The following TRIM41 variants were observed in gnomAD, a reference collection of about 807,000 sequenced individuals.
TRIM41 encodes the protein tripartite motif containing 41.
In TRIM41, 21 loss-of-function variants were observed where a neutral mutation model predicts 60.6. The observed-to-expected ratio is 0.35, with a 90% CI of 0.25 to 0.50. The LOEUF is 0.50. TRIM41 is among the 20% of genes least tolerant of loss of function. The pLI is 0.98. For synonymous variants in TRIM41, 407 were observed against 344.9 expected, an observed-to-expected ratio of 1.18 and a Z score of -2.00; for missense variants, 846 against 868.3, an observed-to-expected ratio of 0.97 and a Z score of 0.32.
rs1759018088 is a variant in TRIM41 at position 181,234,933 on chromosome 5, A to G, written c.*158A>G. On this transcript the variant is annotated 3_prime_UTR_variant, in exon 6 of 6. Transcript: ENST00000315073. This position sits in a 1 kb window ranked among gnomAD's most constrained non-coding sequence, Gnocchi z 5.6. The stretch of plus-strand genomic sequence containing the variant: ...CCAGGCCCCTGCTTCTCCCTCTAGG[A>G]GCCTAAAGAACCCTCCTGGCCTCCA... 2 of 1,613,670 alleles carry G rather than the reference A, an allele frequency of 1.2e-6. No individual in the cohort carries two copies. Among genetic ancestry groups the G allele is most frequent in the Non-Finnish European group, 1.7e-6 (2 of 1,179,936 alleles).
Position 181,234,689 on chromosome 5 carries a change from A to G in TRIM41, c.1807A>G (p.Thr603Ala), listed in dbSNP as rs1423250272. The G allele has an allele frequency of 6.2e-7, 1 of 1,614,054 alleles. No homozygotes were observed. The change falls in exon 6 of 6, where the codon ACC becomes GCC. Residue 603 changes from threonine (T) to alanine (A), a missense_variant. Thr to Ala is a moderately conservative substitution (Grantham distance 58). Transcript: ENST00000315073. The surrounding 1 kb of genome is among the most constrained non-coding windows in gnomAD (Gnocchi z 5.6). ...YNAETLAHVHTFSAAFLGERV... is the reference protein window; with the variant it reads ...YNAETLAHVHAFSAAFLGERV... ...CGCAGAGACTCTAGCCCACGTGCAC[A>G]CCTTCTCGGCTGCCTTCCTGGGCGA... is the stretch of plus-strand genomic sequence containing the variant.
chr5:181,223,299 G>A lies in TRIM41; in HGVS notation c.-701G>A, dbSNP rs1011533066. 7 of 399,028 alleles carry A rather than the reference G, an allele frequency of 1.8e-5. No individual in the cohort carries two copies. Among genetic ancestry groups the A allele is most frequent in the African/African-American group, 4.1e-5 (2 of 48,656 alleles). 24.7% of individuals were successfully genotyped at this position (399,028 alleles called of 1,614,324 possible). A position where few individuals can be genotyped will look rare whatever the true frequency, so the allele number is the denominator to read the frequency against. On this transcript the variant is annotated 5_prime_UTR_variant, in exon 1 of 6. Coordinates refer to ENST00000315073, the MANE Select transcript of TRIM41 (RefSeq NM_033549.5). Reference sequence around the variant, plus strand: ...CCCCCTCGCTTCCGGCATCGGCTGTGGGGAGTACCGGCTGCAGTCGGCTGT... The same window carrying A: ...CCCCCTCGCTTCCGGCATCGGCTGTAGGGAGTACCGGCTGCAGTCGGCTGT...
chr5:181,233,274 G>C lies in TRIM41; in HGVS notation c.1141-139G>C. The C allele has an allele frequency of 1.1e-6, 1 of 897,988 alleles. No individual in the cohort carries two copies. Among genetic ancestry groups the C allele is most frequent in the African/African-American group, 1.6e-5 (1 of 61,178 alleles). The allele number at this position is 897,988 out of a possible 1,614,324, so 55.6% of individuals were successfully genotyped here. Reference sequence around the variant, plus strand: ...TGGTTGAAATGGATGTGTGTTCATTGAGGGCCGTGAGGGTGCTGCTTCTCC... The same window carrying C: ...TGGTTGAAATGGATGTGTGTTCATTCAGGGCCGTGAGGGTGCTGCTTCTCC... On this transcript the variant is annotated intron_variant, in intron 3 of 5. Coordinates refer to ENST00000315073, the MANE Select transcript of TRIM41 (RefSeq NM_033549.5). This position sits in a 1 kb window ranked among gnomAD's most constrained non-coding sequence, Gnocchi z 4.1.
Position 181,233,549 on chromosome 5 carries a change from C to T in TRIM41, c.1164-87C>T. The T allele has an allele frequency of 6.2e-6, 10 of 1,610,250 alleles. No homozygotes were observed. The highest frequency in any genetic ancestry group is 1.1e-5 in the South Asian group (1 of 90,940). ...TCCCCAGGACCTGAGTTTCCATCTC[C>T]TGGACCCTCCTCTCCTTCCCCTCAG... On this transcript the variant is annotated intron_variant, in intron 4 of 5. Coordinates refer to ENST00000315073, the MANE Select transcript of TRIM41 (RefSeq NM_033549.5). The surrounding 1 kb of genome is among the most constrained non-coding windows in gnomAD (Gnocchi z 4.1).
intron 1 of TRIM41, chr5:181,226,294 G>A (rs1462876602): frequency 6.6e-6 from 1 of 152,138 alleles, no homozygotes. Context: ...TAGTAGAGAT[G>A]GGGTTTCACC....
At position 181,235,655 on chromosome 5, in the gene TRIM41, C is replaced by A; in HGVS notation, c.*880C>A. On this transcript the variant is annotated 3_prime_UTR_variant, in exon 6 of 6. Transcript: ENST00000315073. ...GAGCCTGGGGACGGGTTTGGGTCCC[C>A]AGGAGGAGAGCCTTGGGTATAATCT... 1 of 506,696 alleles carries A rather than the reference C, an allele frequency of 2.0e-6. No individual in the cohort carries two copies. The highest frequency in any genetic ancestry group is 3.6e-6 in the Non-Finnish European group (1 of 280,458). The allele number at this position is 506,696 out of a possible 1,614,324, so 31.4% of individuals were successfully genotyped here.
At chr5:181,229,880 T>C (rs1316110847) in intron 1 of TRIM41, 3 of 152,240 alleles carry the variant, frequency 2.0e-5, no homozygotes, top group Non-Finnish European at 2.9e-5. Flanking sequence ...CATGGAATTA[T>C]ACTCAGGAAA....
chr5:181,224,042 C>A lies in TRIM41; in HGVS notation c.43C>A (p.Gln15Lys). The stretch of plus-strand genomic sequence containing the variant: ...GACACCCAACCCTGTGCAGACCCTT[C>A]AGGAGGAGGCGGTGTGCGCCATCTG... The part of the protein sequence containing the change: ...AMTPNPVQTL[Q>K]EEAVCAICLD... The change falls in exon 1 of 6, where the codon CAG becomes AAG. Residue 15 changes from glutamine (Q) to lysine (K), a missense_variant. Coordinates refer to ENST00000315073, the MANE Select transcript of TRIM41 (RefSeq NM_033549.5). 1.2e-6 allele frequency: 2 copies of A among 1,614,228 alleles called. No individual in the cohort carries two copies. Among genetic ancestry groups the A allele is most frequent in the South Asian group, 2.2e-5 (2 of 91,088 alleles).
In TRIM41 at chr5:181,232,776, C is replaced by G; in HGVS notation, c.1027C>G (p.Leu343Val). 1 of 1,612,364 alleles carries G rather than the reference C, an allele frequency of 6.2e-7. No homozygotes were observed. The highest frequency in any genetic ancestry group is 8.5e-7 in the Non-Finnish European group (1 of 1,179,652). Residue 343 changes from leucine (L) to valine (V), a missense_variant, in exon 3 of 6, where the codon CTG (leucine) becomes GTG (valine). Physicochemically the swap from Leu to Val is conservative, Grantham distance 32. Coordinates refer to ENST00000315073, the MANE Select transcript of TRIM41 (RefSeq NM_033549.5). ...RRLREMHEAQ[L>V]GRAGAAASRL... ...TCTCAGAGAGATGCATGAAGCCCAG[C>G]TGGGGCGTGCGGGAGCCGCGGCTAG...
In TRIM41 at chr5:181,223,744, T is replaced by C. The variant is rs2545098; in HGVS notation, c.-256T>C. ...CCAAGGGAGCATTGGGGCAGACTTG[T>C]ACTCAGAGCCACCTGAGGGACTTGG... On this transcript the variant is annotated 5_prime_UTR_variant, in exon 1 of 6. Transcript: ENST00000315073. 0.31 allele frequency: 185,001 copies of C among 592,506 alleles called. 38,699 individuals carry two copies. The highest frequency in any genetic ancestry group is 0.84 in the African/African-American group (45,221 of 53,806). The allele number at this position is 592,506 out of a possible 1,614,324, so 36.7% of individuals were successfully genotyped here.
At chr5:181,232,548 TG>T in intron 2 of TRIM41, 110 bp from the exon 3 acceptor site, 1 of 1,002,702 alleles carries the variant, frequency 1.0e-6, no homozygotes, top group Non-Finnish European at 1.5e-6. Context: ...ATCTTGGACC[TG>T]GGGAGTGTAG....
intron 1 of TRIM41, chr5:181,228,456 GC>G (rs1758644956): frequency 6.6e-6 from 1 of 150,700 alleles, no homozygotes; most frequent in Non-Finnish European, 1.5e-5. Context: ...TACTCGGGAG[GC>G]TGGGGCAAGA....
rs201331486 is a variant in TRIM41 at position 181,232,769 on chromosome 5, A to G, written c.1020A>G (p.Glu340=). 1 of 1,613,314 alleles carries G rather than the reference A, an allele frequency of 6.2e-7. No homozygotes were observed. Among genetic ancestry groups the G allele is most frequent in the East Asian group, 2.2e-5 (1 of 44,874 alleles). Residue 340 remains glutamate (E), a synonymous_variant, in exon 3 of 6, where the codon GAA becomes GAG. Transcript: ENST00000315073. ...GLERRLREMH[E]AQLGRAGAAA... is the part of the protein sequence containing the mutation. ...AACGGCGTCTCAGAGAGATGCATGA[A>G]GCCCAGCTGGGGCGTGCGGGAGCCG...
chr5:181,223,303 A>C lies in TRIM41; in HGVS notation c.-697A>C, dbSNP rs1007269545. ...CTCGCTTCCGGCATCGGCTGTGGGG[A>C]GTACCGGCTGCAGTCGGCTGTGCCG... On this transcript the variant is annotated 5_prime_UTR_variant, in exon 1 of 6. Coordinates refer to ENST00000315073, the MANE Select transcript of TRIM41 (RefSeq NM_033549.5). The C allele has an allele frequency of 7.5e-6, 3 of 398,954 alleles. No homozygotes were observed. Among genetic ancestry groups the C allele is most frequent in the Admixed American group, 4.4e-5 (1 of 22,764 alleles). The allele number at this position is 398,954 out of a possible 1,614,324, so 24.7% of individuals were successfully genotyped here.
chr5:181,232,787 G>T lies in TRIM41; in HGVS notation c.1038G>T (p.Ala346=). 1 of 1,609,906 alleles carries T rather than the reference G, an allele frequency of 6.2e-7. No individual in the cohort carries two copies. Among genetic ancestry groups the T allele is most frequent in the Non-Finnish European group, 8.5e-7 (1 of 1,178,856 alleles). The change falls in exon 3 of 6, where the codon GCG becomes GCT. Residue 346 remains alanine (A), a synonymous_variant. Coordinates refer to ENST00000315073, the MANE Select transcript of TRIM41 (RefSeq NM_033549.5). ...REMHEAQLGR[A]GAAASRLAEQ... ...TGCATGAAGCCCAGCTGGGGCGTGC[G>T]GGAGCCGCGGCTAGTCGCCTTGCAG...
chr5:181,233,946 G>C lies in TRIM41; in HGVS notation c.1291+183G>C. The C allele has an allele frequency of 8.5e-7, 1 of 1,170,360 alleles. No homozygotes were observed. Among genetic ancestry groups the C allele is most frequent in the Non-Finnish European group, 1.2e-6 (1 of 826,946 alleles). 72.5% of individuals were successfully genotyped at this position (1,170,360 alleles called of 1,614,324 possible). A position where few individuals can be genotyped will look rare whatever the true frequency, so the allele number is the denominator to read the frequency against. ...AGACCTAGTGCAGGCAGGCCTGGAG[G>C]GTGGGGTGGGGTGGAGTGGCAGGAA... On this transcript the variant is annotated intron_variant, in intron 5 of 5. Transcript: ENST00000315073. The surrounding 1 kb of genome is among the most constrained non-coding windows in gnomAD (Gnocchi z 4.1).
Position 181,224,122 on chromosome 5 carries a change from A to G in TRIM41, c.123A>G (p.Arg41=). 6.2e-7 allele frequency: 1 copy of G among 1,614,078 alleles called. No individual in the cohort carries two copies. Among genetic ancestry groups the G allele is most frequent in the Non-Finnish European group, 8.5e-7 (1 of 1,180,026 alleles). The stretch of plus-strand genomic sequence containing the variant: ...TCGGCTGCGGGCACAACTTCTGCCG[A>G]GTTTGTGTAACCCAGTTGTGGGGTG... ...VSIGCGHNFC[R]VCVTQLWGGE... is the part of the protein sequence containing the mutation. Residue 41 remains arginine, a synonymous_variant, in exon 1 of 6, where the codon CGA becomes CGG. Coordinates refer to ENST00000315073, the MANE Select transcript of TRIM41 (RefSeq NM_033549.5).
chr5:181,224,571 C>T lies in TRIM41; in HGVS notation c.572C>T (p.Pro191Leu). The change falls in exon 1 of 6, where the codon CCT becomes CTT. Residue 191 changes from proline to leucine, a missense_variant. Physicochemically the swap from Pro to Leu is moderately conservative, Grantham distance 98. Coordinates refer to ENST00000315073, the MANE Select transcript of TRIM41 (RefSeq NM_033549.5). The stretch of plus-strand genomic sequence containing the variant: ...TGCCCTCAGTGCCGAAAGAGCTTTC[C>T]TCGGCGGAGCTTCCGCCCCAACCTG... ...FTCPQCRKSF[P>L]RRSFRPNLQL... is the part of the protein sequence containing the mutation. 2 of 1,614,074 alleles carry T rather than the reference C, an allele frequency of 1.2e-6. No homozygotes were observed. Among genetic ancestry groups the T allele is most frequent in the African/African-American group, 1.3e-5 (1 of 75,060 alleles).
chr5:181,223,650 T>G lies in TRIM41; in HGVS notation c.-350T>G, dbSNP rs1758391651. 4.2e-6 allele frequency: 2 copies of G among 478,164 alleles called. No homozygotes were observed. The highest frequency in any genetic ancestry group is 7.4e-6 in the Non-Finnish European group (2 of 271,836). The allele number at this position is 478,164 out of a possible 1,614,324, so 29.6% of individuals were successfully genotyped here. ...TTAGGTGGTGTGTAGACGCCGGAAG[T>G]GTTGGGAAGGAGGCCGGAAGCTAGG... On this transcript the variant is annotated 5_prime_UTR_variant, in exon 1 of 6. Coordinates refer to ENST00000315073, the MANE Select transcript of TRIM41 (RefSeq NM_033549.5).
Sources: gnomAD v4.1 joint callset for allele counts on GRCh38, gnomAD v4.1.1 for gene constraint, Gnocchi (gnomAD v3.1) non-coding constraint, MANE v1.5 for transcripts, NCBI Gene and HGNC (gene_info 2026-07-23, HGNC 2026-07-21) for gene names.